Variants in TSHZ2 observed in about 807,000 individuals in gnomAD.
TSHZ2 encodes the protein teashirt zinc finger homeobox 2.
A neutral mutation model predicts 74.4 loss-of-function variants in TSHZ2; 21 were observed. The ratio of observed to expected loss-of-function variants is 0.28; its 90% CI spans 0.20 to 0.41. The LOEUF (loss-of-function observed/expected upper bound fraction) is 0.41. TSHZ2 is among the 10% of genes least tolerant of loss of function. TSHZ2 has a pLI of 1.00. For missense variants in TSHZ2, 1,244 were observed against 1,293.5 expected (o/e 0.96, Z 0.59); for synonymous variants, 540 against 515.3 (o/e 1.05, Z -0.65).
At chr20:53,047,522 C>T (rs183929103) in intron 1 of TSHZ2, among the ~76,000 whole-genome samples, 41 of 152,264 alleles carry the variant, frequency 2.7e-4, no homozygotes, top group African/African-American at 9.6e-4. Flanking sequence ...CCTCCACTGA[C>T]AGCTCAGTGT....
chr20:53,304,179 ACCCTCCC>A (rs1435611373), intron 2 of TSHZ2, among the ~76,000 whole-genome samples: 1 of 110,804 alleles, frequency 9.0e-6, no homozygotes, highest in Admixed American at 9.8e-5. Flanking sequence ...CCTAAAGCTA[ACCCTCCC>A]CCCTCCCCCC....
At chr20:53,311,850 G>A (rs1212511715) in intron 2 of TSHZ2, among the ~76,000 whole-genome samples, 1 of 152,192 alleles carries the variant, frequency 6.6e-6, no homozygotes, top group Non-Finnish European at 1.5e-5. Flanking sequence ...GGGAGGCGGA[G>A]GTGGGATGAT....
intron 1 of TSHZ2, among the ~76,000 whole-genome samples, chr20:53,077,870 T>C (rs1443351825): frequency 6.6e-6 from 1 of 152,224 alleles, no homozygotes; most frequent in Non-Finnish European, 1.5e-5. Flanking sequence ...CTGCTCACTC[T>C]CCCTGTCTGT....
At chr20:53,094,740 A>G (rs1055352688) in intron 1 of TSHZ2, among the ~76,000 whole-genome samples, 2 of 152,210 alleles carry the variant, frequency 1.3e-5, no homozygotes, top group Admixed American at 6.5e-5. Flanking sequence ...TAGACTCTTC[A>G]CAAGATAGAT....
rs2123723881 is a variant in TSHZ2 at position 53,254,757 on chromosome 20, T to C, written c.1299T>C (p.Ser433=). ...PLAVEKMQSL[S]EAPNSDSLAP... ...CAGTGGAGAAAATGCAGTCGTTGTC[T>C]GAGGCCCCAAACAGTGATTCTCTGG... The change falls in exon 2 of 3, where the codon TCT becomes TCC. Residue 433 remains serine, a synonymous_variant. Coordinates refer to ENST00000371497, the MANE Select transcript of TSHZ2 (RefSeq NM_173485.6). The C allele has an allele frequency of 1.2e-6, 2 of 1,613,390 alleles. No homozygotes were observed. The highest frequency in any genetic ancestry group is 2.2e-5 in the South Asian group (2 of 91,010).
chr20:53,135,225 T>C (rs1987215777), intron 1 of TSHZ2, among the ~76,000 whole-genome samples: 1 of 152,158 alleles, frequency 6.6e-6, no homozygotes, highest in East Asian at 1.9e-4. Flanking sequence ...TAGATCTGTG[T>C]TATGACAACA....
At chr20:53,072,118 T>A (rs1985194322) in intron 1 of TSHZ2, among the ~76,000 whole-genome samples, 3 of 152,190 alleles carry the variant, frequency 2.0e-5, no homozygotes, top group Admixed American at 2.0e-4. Flanking sequence ...GGTGGAATAT[T>A]CTGTGCTATG....
intron 1 of TSHZ2, among the ~76,000 whole-genome samples, chr20:53,036,154 T>C (rs1226362612): frequency 6.6e-6 from 1 of 152,234 alleles, no homozygotes; most frequent in Non-Finnish European, 1.5e-5. Flanking sequence ...AAATTTATGA[T>C]GTACCCACTT....
intron 1 of TSHZ2, among the ~76,000 whole-genome samples, chr20:53,200,471 G>A (rs889277065): frequency 6.6e-6 from 1 of 152,140 alleles, no homozygotes; most frequent in South Asian, 2.1e-4. Context: ...ATGACGTTAC[G>A]GATAACTGTA....
At chr20:53,310,176 C>T (rs561394513) in intron 2 of TSHZ2, among the ~76,000 whole-genome samples, 1 of 152,214 alleles carries the variant, frequency 6.6e-6, no homozygotes, top group East Asian at 1.9e-4. Flanking sequence ...GCTAGTCCAA[C>T]GTTTCATTTT....
intron 2 of TSHZ2, among the ~76,000 whole-genome samples, chr20:53,362,322 C>T (rs76550884): frequency 6.6e-6 from 1 of 152,024 alleles, no homozygotes; most frequent in Non-Finnish European, 1.5e-5. Context: ...GTAGCTGGGA[C>T]TACAGACGCC....
At chr20:52,986,210 C>T (rs2244623) in intron 1 of TSHZ2, among the ~76,000 whole-genome samples, 70,566 of 150,352 alleles carry the variant, frequency 0.47, 16,974 homozygotes, top group Non-Finnish European at 0.52. Context: ...ACCAACATGG[C>T]GAAACCCCGT....
intron 2 of TSHZ2, among the ~76,000 whole-genome samples, chr20:53,336,864 ACT>A (rs1384632461): frequency 6.6e-6 from 1 of 152,150 alleles, no homozygotes; most frequent in Non-Finnish European, 1.5e-5. Context: ...ACATACACAC[ACT>A]CATACATTCC....
At chr20:53,234,860 T>G (rs1989904600) in intron 1 of TSHZ2, among the ~76,000 whole-genome samples, 1 of 152,068 alleles carries the variant, frequency 6.6e-6, no homozygotes, top group Non-Finnish European at 1.5e-5. Context: ...TTTCTTTGAG[T>G]GGGAAGAATG....
chr20:53,371,394 G>A (rs1981464696), intron 2 of TSHZ2, among the ~76,000 whole-genome samples: 1 of 152,224 alleles, frequency 6.6e-6, no homozygotes, highest in South Asian at 2.1e-4. Flanking sequence ...GTTCATACGG[G>A]TTTCCAAACA....
chr20:53,004,046 G>A (rs1982543672), intron 1 of TSHZ2, among the ~76,000 whole-genome samples: 1 of 152,082 alleles, frequency 6.6e-6, no homozygotes, highest in African/African-American at 2.4e-5. Flanking sequence ...AATGAAAGCA[G>A]GCGAAACCCT....
intron 1 of TSHZ2, among the ~76,000 whole-genome samples, chr20:53,212,799 G>A (rs550097372): frequency 1.3e-5 from 2 of 152,288 alleles, no homozygotes; most frequent in African/African-American, 2.4e-5. Flanking sequence ...GCTTTCTCCT[G>A]GTGGTTCCCA....
intron 2 of TSHZ2, among the ~76,000 whole-genome samples, chr20:53,273,543 C>A (rs1003571344): frequency 6.6e-6 from 1 of 152,228 alleles, no homozygotes; most frequent in African/African-American, 2.4e-5. Flanking sequence ...CCTGCCTCGA[C>A]TTTCCAAAGT....
intron 1 of TSHZ2, among the ~76,000 whole-genome samples, chr20:53,229,327 C>T (rs1989764124): frequency 6.6e-6 from 1 of 152,174 alleles, no homozygotes; most frequent in Non-Finnish European, 1.5e-5. Context: ...CTTAGTACAA[C>T]TTTTCCAACA....
Sources: allele counts gnomAD v4.1 joint callset (sites outside exome capture counted in the v4.1 genomes callset), GRCh38; gene constraint gnomAD v4.1.1; transcripts MANE v1.5; gene names NCBI Gene and HGNC (gene_info 2026-07-23, HGNC 2026-07-21).